The following PIK3C2G variants were observed in gnomAD, a reference collection of about 807,000 sequenced individuals.
The protein encoded by PIK3C2G is phosphatidylinositol 3-kinase C2 domain-containing subunit gamma.
A neutral mutation model predicts 181.1 loss-of-function variants in PIK3C2G; 168 were observed. The observed-to-expected ratio is 0.93, with a 90% CI of 0.82 to 1.05. PIK3C2G has a LOEUF of 1.05. Ranked by LOEUF, PIK3C2G falls within the 50% of genes least tolerant of loss-of-function variation. PIK3C2G has a pLI of 0.00. For missense variants in PIK3C2G, 1,869 were observed against 1,732.8 expected, an observed-to-expected ratio of 1.08 and a Z score of -1.40; for synonymous variants, 573 against 592.2, an observed-to-expected ratio of 0.97 and a Z score of 0.47.
At chr12:18,301,731 T>A (rs1223371153) in intron 5 of PIK3C2G, among the ~76,000 whole-genome samples, 1 of 152,164 alleles carries the variant, frequency 6.6e-6, no homozygotes, top group Non-Finnish European at 1.5e-5. Context: ...ATGAAATTCG[T>A]GGCTGGAGAG....
At position 18,362,875 on chromosome 12, in the gene PIK3C2G, C is replaced by A; in HGVS notation, c.1737C>A (p.Asn579Lys). 6.6e-7 allele frequency: 1 copy of A among 1,504,766 alleles called. No individual in the cohort carries two copies. 93.2% of individuals were successfully genotyped at this position (1,504,766 alleles called of 1,614,324 possible). The part of the protein sequence containing the change: ...PDKKLFFFLV[N>K]WNETINFPLE... ...AGAAATTATTTTTTTTCTTGGTCAACTGGAATGAAACGTAAGTTTAATCTT... is the reference window on the plus strand; with the variant it reads ...AGAAATTATTTTTTTTCTTGGTCAAATGGAATGAAACGTAAGTTTAATCTT... Residue 579 changes from asparagine (N) to lysine (K), a missense_variant, in exon 12 of 33, where the codon AAC becomes AAA. Physicochemically the swap from Asn to Lys is moderately conservative, Grantham distance 94. Transcript: ENST00000538779.
At chr12:18,358,337 G>T (rs1005993708) in intron 11 of PIK3C2G, 3 of 154,286 alleles carry the variant, frequency 1.9e-5, no homozygotes, top group African/African-American at 7.2e-5. Flanking sequence ...CATTTAAAAT[G>T]TAAGGATAGT....
intron 24 of PIK3C2G, among the ~76,000 whole-genome samples, chr12:18,528,294 A>G (rs1943356371): frequency 6.6e-6 from 1 of 152,122 alleles, no homozygotes; most frequent in Non-Finnish European, 1.5e-5. Flanking sequence ...AACATTCCCC[A>G]ATGTGCTTTG....
intron 6 of PIK3C2G, among the ~76,000 whole-genome samples, chr12:18,316,526 T>C (rs1273818742): frequency 6.6e-6 from 1 of 152,164 alleles, no homozygotes. Context: ...AGCTTATCCA[T>C]CCTACAGTAA....
intron 11 of PIK3C2G, among the ~76,000 whole-genome samples, chr12:18,347,865 T>A (rs182450231): frequency 9.2e-5 from 14 of 152,168 alleles, no homozygotes; most frequent in Admixed American, 7.9e-4. Context: ...CTGTATTTTT[T>A]AAAAAATAAA....
chr12:18,665,630 T>A, the PIK3C2G span, among the ~76,000 whole-genome samples: 1 of 152,012 alleles, frequency 6.6e-6, no homozygotes, highest in East Asian at 1.9e-4. Context: ...CTGTCTGTAC[T>A]GAAAATACAA....
the PIK3C2G span, among the ~76,000 whole-genome samples, chr12:18,725,763 G>A: frequency 9.9e-5 from 15 of 152,048 alleles, no homozygotes; most frequent in Non-Finnish European, 4.4e-5. Flanking sequence ...TGGTACCTAT[G>A]TTTCTCGTTG....
In PIK3C2G at chr12:18,569,480, T is replaced by C. The variant is rs563625990; in HGVS notation, c.4011+2423T>C. ...CAAGGTTCATGGATTTTTATTGTTG[T>C]ATAATATTTTATTATACAAATATAT... On this transcript the variant is annotated intron_variant, in intron 29 of 32. Transcript: ENST00000538779. 3.3e-5 allele frequency among the ~76,000 whole-genome samples: 5 copies of C among 152,308 alleles called. No homozygotes were observed. The East Asian group carries it at 7.7e-4, about 24-fold the overall frequency.
chr12:18,665,537 A>C, the PIK3C2G span, among the ~76,000 whole-genome samples: 2 of 152,176 alleles, frequency 1.3e-5, no homozygotes, highest in African/African-American at 4.8e-5. Flanking sequence ...TCCTGCCTGT[A>C]ATCCCAGCAC....
intron 31 of PIK3C2G, among the ~76,000 whole-genome samples, chr12:18,618,456 A>G (rs1948702991): frequency 6.6e-6 from 1 of 152,248 alleles, no homozygotes; most frequent in Admixed American, 6.5e-5. Flanking sequence ...AACAGAATTT[A>G]TATTCCTAAT....
intron 7 of PIK3C2G, among the ~76,000 whole-genome samples, chr12:18,321,626 C>A (rs1008683280): frequency 1.3e-5 from 2 of 152,064 alleles, no homozygotes; most frequent in South Asian, 4.1e-4. Context: ...GTGGGAGGTA[C>A]AGGTCATAAA....
the PIK3C2G span, among the ~76,000 whole-genome samples, chr12:18,676,010 T>A: frequency 3.3e-5 from 5 of 151,242 alleles, no homozygotes; most frequent in East Asian, 3.9e-4. Context: ...TGAATCTATT[T>A]AAAAAAAAAC....
intron 10 of PIK3C2G, among the ~76,000 whole-genome samples, chr12:18,346,084 T>A (rs1425468897): frequency 6.6e-6 from 1 of 152,222 alleles, no homozygotes; most frequent in Non-Finnish European, 1.5e-5. Context: ...TCTTTGATTT[T>A]GAAGAGATAC....
the PIK3C2G span, among the ~76,000 whole-genome samples, chr12:18,699,034 CT>C: frequency 6.6e-6 from 1 of 152,118 alleles, no homozygotes; most frequent in African/African-American, 2.4e-5. Context: ...AATGAGTCTT[CT>C]TTCTATTCTC....
At chr12:18,591,123 ACT>A (rs1351859026) in intron 29 of PIK3C2G, among the ~76,000 whole-genome samples, 5 of 151,890 alleles carry the variant, frequency 3.3e-5, no homozygotes, top group African/African-American at 1.2e-4. Context: ...AAAAATCTTG[ACT>A]CTGTCATCTC....
At chr12:18,309,021 G>A (rs1004534242) in intron 5 of PIK3C2G, among the ~76,000 whole-genome samples, 6 of 151,448 alleles carry the variant, frequency 4.0e-5, no homozygotes, top group Non-Finnish European at 5.9e-5. Context: ...TATGGTTTGT[G>A]GAAAAGATAA....
chr12:18,605,422 G>A (rs1210678865), intron 30 of PIK3C2G, among the ~76,000 whole-genome samples: 1 of 152,134 alleles, frequency 6.6e-6, no homozygotes, highest in Non-Finnish European at 1.5e-5. Flanking sequence ...TCCAGGATCA[G>A]ATGGATTCAC....
chr12:18,289,007 C>G (rs1949574384), intron 3 of PIK3C2G, among the ~76,000 whole-genome samples: 1 of 151,146 alleles, frequency 6.6e-6, no homozygotes. Flanking sequence ...GAAAAGAAGC[C>G]ATAAGTTATA....
chr12:18,631,583 T>C (rs1044005244), intron 31 of PIK3C2G, among the ~76,000 whole-genome samples: 1 of 152,084 alleles, frequency 6.6e-6, no homozygotes, highest in Non-Finnish European at 1.5e-5. Context: ...CAGTGGTATA[T>C]AGAATGAATG....
Sources: gnomAD v4.1 joint callset for allele counts (sites outside exome capture counted in the v4.1 genomes callset) on GRCh38, gnomAD v4.1.1 for gene constraint, MANE v1.5 for transcripts, NCBI Gene and HGNC (gene_info 2026-07-23, HGNC 2026-07-21) for gene names.